Variants in LANCL3 observed in about 807,000 individuals in gnomAD.
The protein encoded by LANCL3 is lanC-like protein 3.
Under a neutral mutation model 26.5 loss-of-function variants are expected in LANCL3, and 19 were observed. The observed-to-expected ratio is 0.72, with a 90% CI of 0.50 to 1.05. LANCL3 has a LOEUF of 1.05. LANCL3 is among the 50% of genes least tolerant of loss of function. The pLI, the probability that LANCL3 is intolerant of heterozygous loss-of-function variation, is 0.00. For missense variants in LANCL3, 318 were observed against 362.7 expected (o/e 0.88, Z 1.00); for synonymous variants, 160 against 166.6 (o/e 0.96, Z 0.30).
intron 1 of LANCL3, among the ~76,000 whole-genome samples, chrX:37,580,074 C>A (rs1442479911): frequency 1.8e-5 from 2 of 111,810 alleles, no homozygotes; most frequent in African/African-American, 6.5e-5. Flanking sequence ...TGGATTTGAG[C>A]GGTTCCCATT....
intron 1 of LANCL3, among the ~76,000 whole-genome samples, chrX:37,614,378 A>T (rs781835966): frequency 2.7e-5 from 3 of 112,047 alleles, no homozygotes; most frequent in Non-Finnish European, 5.6e-5. Flanking sequence ...ATGGGCAGCC[A>T]AATTTGAGCA....
At chrX:37,637,106 G>A (rs1602121166) in intron 1 of LANCL3, among the ~76,000 whole-genome samples, 1 of 111,755 alleles carries the variant, frequency 8.9e-6, no homozygotes, top group Non-Finnish European at 1.9e-5. Context: ...AAGGATCCTA[G>A]GTGGTGGAGC....
At chrX:37,598,436 G>A (rs781803935) in intron 1 of LANCL3, among the ~76,000 whole-genome samples, 1 of 111,722 alleles carries the variant, frequency 9.0e-6, no homozygotes, top group South Asian at 3.8e-4. Context: ...GTGCAACCGA[G>A]GTAGAGCACT....
intron 4 of LANCL3, among the ~76,000 whole-genome samples, chrX:37,670,984 A>C (rs1480500272): frequency 1.8e-5 from 2 of 111,396 alleles, no homozygotes; most frequent in Non-Finnish European, 3.8e-5. Context: ...ATCATTTATT[A>C]CTGGTATTTA....
chrX:37,672,774 T>G lies in LANCL3; in HGVS notation c.1104-2880T>G, dbSNP rs1265221241. Among the ~76,000 whole-genome samples, 3 of 111,969 alleles carry G rather than the reference T, an allele frequency of 2.7e-5. No individual in the cohort carries two copies. The Admixed American group carries it at 2.8e-4, about 11-fold the overall frequency. The stretch of plus-strand genomic sequence containing the variant: ...GGTCCTGTGATGCTTTTACAACGTC[T>G]TTCTCAGAACACAGAGTACATGATC... On this transcript the variant is annotated intron_variant, in intron 4 of 4. Transcript: ENST00000378619.
At chrX:37,606,832 CAAACACTTTTGA>C (rs1569463955) in intron 1 of LANCL3, among the ~76,000 whole-genome samples, 1 of 112,319 alleles carries the variant, frequency 8.9e-6, no homozygotes, top group Non-Finnish European at 1.9e-5. Flanking sequence ...AACAGTGTTT[CAAACACTTTTGA>C]TGGAATTATG....
chrX:37,623,912 G>A (rs1350882480), intron 1 of LANCL3, among the ~76,000 whole-genome samples: 3 of 111,886 alleles, frequency 2.7e-5, no homozygotes, highest in South Asian at 3.7e-4. Flanking sequence ...GACATTATAT[G>A]TTGTGTAGCT....
At chrX:37,661,159 T>C (rs1556432501) in intron 3 of LANCL3, among the ~76,000 whole-genome samples, 2 of 111,834 alleles carry the variant, frequency 1.8e-5, no homozygotes, top group Non-Finnish European at 3.8e-5. Context: ...TTTGGAGACA[T>C]ACCAATTTAA....
chrX:37,657,352 T>G (rs1390066974), intron 2 of LANCL3, among the ~76,000 whole-genome samples: 1 of 111,284 alleles, frequency 9.0e-6, no homozygotes, highest in East Asian at 2.8e-4. Flanking sequence ...CCCTAATCTA[T>G]TCCATTCATT....
chrX:37,589,857 G>T (rs1313853405), intron 1 of LANCL3, among the ~76,000 whole-genome samples: 1 of 111,846 alleles, frequency 8.9e-6, no homozygotes, highest in Non-Finnish European at 1.9e-5. Context: ...GGCCTTAAAG[G>T]GCTGGAGGGA....
intron 1 of LANCL3, among the ~76,000 whole-genome samples, chrX:37,640,101 G>T (rs972280151): frequency 8.9e-6 from 1 of 111,967 alleles, no homozygotes; most frequent in African/African-American, 3.2e-5. Flanking sequence ...GACACATTTG[G>T]CGAAATAAAA....
rs189414727 is a variant in LANCL3 at position 37,608,215 on chromosome X, C to T, written c.573+35772C>T. Reference sequence around the variant, plus strand: ...TAATAGCAGAACACAGAACAGAACTCAGGTCTTTTGGCTTTCAAGTCACTG... The same window carrying T: ...TAATAGCAGAACACAGAACAGAACTTAGGTCTTTTGGCTTTCAAGTCACTG... On this transcript the variant is annotated intron_variant, in intron 1 of 4. Transcript: ENST00000378619. Among the ~76,000 whole-genome samples the T allele has an allele frequency of 2.0e-3, 226 of 111,774 alleles. 2 individuals carry two copies. The highest frequency in any genetic ancestry group is 6.7e-3 in the African/African-American group (207 of 30,815).
intron 1 of LANCL3, among the ~76,000 whole-genome samples, chrX:37,587,510 C>G (rs1260855340): frequency 2.7e-5 from 3 of 112,846 alleles, no homozygotes; most frequent in African/African-American, 9.6e-5. Flanking sequence ...CGCCCCTCCC[C>G]CAGCCTTGCT....
At chrX:37,593,751 T>C (rs1443084457) in intron 1 of LANCL3, among the ~76,000 whole-genome samples, 1 of 112,302 alleles carries the variant, frequency 8.9e-6, no homozygotes, top group African/African-American at 3.2e-5. Context: ...TCTTCACATT[T>C]ACCCCCTTCC....
intron 1 of LANCL3, among the ~76,000 whole-genome samples, chrX:37,603,689 G>A (rs1556420260): frequency 8.9e-6 from 1 of 112,024 alleles, no homozygotes; most frequent in Non-Finnish European, 1.9e-5. Flanking sequence ...AGACTACTTG[G>A]TGTGACTTTG....
rs1364080605 is a variant in LANCL3, at chrX:37,572,035, G to T, written c.165G>T (p.Thr55=). The T allele has an allele frequency of 1.7e-6, 2 of 1,182,175 alleles. No individual in the cohort carries two copies. The highest frequency in any genetic ancestry group is 6.1e-5 in the East Asian group (2 of 32,632). ...GCGGCGCGGAGGCCCGAGGGGCGAC[G>T]GCGGGGGCTAGCGCCTGCCAGGGGG... ...LGGGAEARGA[T]AGASACQGGL... is the part of the protein sequence containing the mutation. Residue 55 remains threonine (T), a synonymous_variant, in exon 1 of 5, where the codon ACG becomes ACT. Transcript: ENST00000378619.
At chrX:37,623,571 T>A (rs1556422620) in intron 1 of LANCL3, among the ~76,000 whole-genome samples, 1 of 112,612 alleles carries the variant, frequency 8.9e-6, no homozygotes, top group African/African-American at 3.2e-5. Flanking sequence ...AGGCTATTAG[T>A]TTTTGTTTTT....
At chrX:37,588,249 C>T (rs1376366072) in intron 1 of LANCL3, among the ~76,000 whole-genome samples, 3 of 111,608 alleles carry the variant, frequency 2.7e-5, no homozygotes, top group Non-Finnish European at 5.6e-5. Context: ...TGGATTTCCT[C>T]CAAGTGACAG....
chrX:37,647,064 C>G (rs957433503), intron 1 of LANCL3, among the ~76,000 whole-genome samples: 14 of 111,905 alleles, frequency 1.3e-4, no homozygotes, highest in African/African-American at 4.6e-4. Context: ...CCTGTAATCC[C>G]AGCACTTTGG....
Sources: allele counts gnomAD v4.1 joint callset (sites outside exome capture counted in the v4.1 genomes callset), GRCh38; gene constraint gnomAD v4.1.1; transcripts MANE v1.5; gene names NCBI Gene and HGNC (gene_info 2026-07-23, HGNC 2026-07-21).